The following GLIS3 variants were observed in gnomAD, a reference collection of about 807,000 sequenced individuals.
GLIS3 encodes GLIS family zinc finger 3.
GLIS3 carries 53 observed loss-of-function variants against 78.6 expected under a neutral mutation model. The ratio of observed to expected loss-of-function variants is 0.67; its 90% confidence interval spans 0.54 to 0.85. GLIS3 has a LOEUF of 0.85. GLIS3 is among the 40% of genes least tolerant of loss of function. The pLI is 0.00. For synonymous variants in GLIS3, 684 were observed against 509.9 expected, an observed-to-expected ratio of 1.34 and a Z score of -4.60; for missense variants, 1,703 against 1,231.1, an observed-to-expected ratio of 1.38 and a Z score of -5.74.
intron 4 of GLIS3, among the ~76,000 whole-genome samples, chr9:4,113,091 T>C (rs1831355307): frequency 6.6e-6 from 1 of 152,102 alleles, no homozygotes; most frequent in Non-Finnish European, 1.5e-5. Flanking sequence ...ATTGTATTAA[T>C]ACTATATATA....
chr9:4,107,274 T>C (rs1374859571), intron 4 of GLIS3, among the ~76,000 whole-genome samples: 3 of 152,160 alleles, frequency 2.0e-5, no homozygotes, highest in African/African-American at 7.2e-5. Context: ...TCACCAATAC[T>C]CGGTGTTTAA....
chr9:4,183,394 T>C (rs1044350620), intron 2 of GLIS3, among the ~76,000 whole-genome samples: 12 of 152,286 alleles, frequency 7.9e-5, no homozygotes, highest in South Asian at 2.1e-4. Context: ...ACTCATATAA[T>C]AGATATTCTG....
chr9:4,367,208 C>G, the GLIS3 span, among the ~76,000 whole-genome samples: 1 of 152,254 alleles, frequency 6.6e-6, no homozygotes, highest in African/African-American at 2.4e-5. Flanking sequence ...GGCATATACC[C>G]TGCCCACTCT....
chr9:4,358,391 C>A, the GLIS3 span, among the ~76,000 whole-genome samples: 1 of 152,108 alleles, frequency 6.6e-6, no homozygotes. Context: ...CAAGCAATGT[C>A]CCAAGTACCT....
intron 2 of GLIS3, among the ~76,000 whole-genome samples, chr9:4,338,147 G>A (rs373555721): frequency 5.9e-5 from 9 of 151,488 alleles, no homozygotes; most frequent in Non-Finnish European, 1.3e-4. Context: ...TAATCCTATC[G>A]CTTCTCCTGA....
At chr9:4,120,305 A>G (rs1832077544) in intron 3 of GLIS3, among the ~76,000 whole-genome samples, 1 of 152,246 alleles carries the variant, frequency 6.6e-6, no homozygotes, top group African/African-American at 2.4e-5. Context: ...TGATAACACC[A>G]TCATCAACGA....
At chr9:4,416,958 C>T in the GLIS3 span, among the ~76,000 whole-genome samples, 1 of 151,768 alleles carries the variant, frequency 6.6e-6, no homozygotes, top group African/African-American at 2.4e-5. Context: ...TCTTCTATAA[C>T]CCCATTTACG....
At chr9:3,965,339 G>A (rs1223530962) in intron 4 of GLIS3, among the ~76,000 whole-genome samples, 34 of 151,654 alleles carry the variant, frequency 2.2e-4, no homozygotes, top group African/African-American at 7.7e-4. Context: ...GACTACAGGC[G>A]CGAGCCACCA....
intron 4 of GLIS3, among the ~76,000 whole-genome samples, chr9:4,034,140 G>A (rs1824114861): frequency 1.3e-5 from 2 of 151,960 alleles, no homozygotes; most frequent in African/African-American, 2.4e-5. Context: ...AATGTAAGAG[G>A]ATTGCTTGAG....
chr9:4,365,731 C>G, the GLIS3 span, among the ~76,000 whole-genome samples: 1 of 152,216 alleles, frequency 6.6e-6, no homozygotes, highest in South Asian at 2.1e-4. Flanking sequence ...TCTGCTCCAA[C>G]TCACCCTACT....
At chr9:4,302,245 T>C (rs1480973195), upstream of GLIS3, among the ~76,000 whole-genome samples, 4 of 152,186 alleles carry the variant, frequency 2.6e-5, no homozygotes, top group African/African-American at 7.2e-5. Flanking sequence ...TTAGGAATCA[T>C]ACTCTGGCAG....
the GLIS3 span, among the ~76,000 whole-genome samples, chr9:4,387,532 T>C: frequency 7.9e-5 from 12 of 152,188 alleles, no homozygotes; most frequent in Non-Finnish European, 8.8e-5. Context: ...TTTAAAATTT[T>C]TGAGAGAATA....
At chr9:4,013,581 A>T (rs1048448164) in intron 4 of GLIS3, among the ~76,000 whole-genome samples, 10 of 152,196 alleles carry the variant, frequency 6.6e-5, no homozygotes, top group African/African-American at 2.2e-4. Flanking sequence ...GGACTTCACT[A>T]AGTGTTCATT....
chr9:4,001,702 G>A (rs550264494), intron 4 of GLIS3, among the ~76,000 whole-genome samples: 100 of 152,240 alleles, frequency 6.6e-4, no homozygotes, highest in Middle Eastern at 3.4e-3. Flanking sequence ...CATCATATCT[G>A]CCATTTATGA....
At position 3,879,556 on chromosome 9, in the gene GLIS3, G is replaced by C. The variant is rs1821584807; in HGVS notation, c.2168C>G (p.Thr723Arg). ...TGGGGGTGGTACGGCCCCAGCAGCT[G>C]TTCCACTTCGGCTTGAATAATTGCT... ...FSSNYSSRSG[T>R]AAGAVPPPHP... is the part of the protein sequence containing the mutation. Residue 723 changes from threonine to arginine, a missense_variant, in exon 8 of 11, where the codon ACA (threonine) becomes AGA (arginine). By Grantham distance (71) the Thr-to-Arg change is moderately conservative. Transcript: ENST00000381971. 1.2e-6 allele frequency: 2 copies of C among 1,614,116 alleles called. No homozygotes were observed. Among genetic ancestry groups the C allele is most frequent in the Non-Finnish European group, 1.7e-6 (2 of 1,180,006 alleles).
upstream of GLIS3, among the ~76,000 whole-genome samples, chr9:4,352,750 A>G (rs1465024514): frequency 6.6e-6 from 1 of 152,256 alleles, no homozygotes; most frequent in Non-Finnish European, 1.5e-5. Flanking sequence ...GGCTCTTGGC[A>G]ACAATACTTG....
intron 2 of GLIS3, among the ~76,000 whole-genome samples, chr9:4,254,534 T>A (rs1433229569): frequency 6.6e-6 from 1 of 152,128 alleles, no homozygotes; most frequent in East Asian, 1.9e-4. Context: ...GCTAAAACAT[T>A]TTGGGAACAA....
chr9:3,908,840 A>G (rs1823929785), intron 6 of GLIS3, among the ~76,000 whole-genome samples: 1 of 149,260 alleles, frequency 6.7e-6, no homozygotes, highest in Non-Finnish European at 1.5e-5. Flanking sequence ...AGATTAAGTG[A>G]GTCAAGTGGA....
the GLIS3 span, among the ~76,000 whole-genome samples, chr9:4,370,635 T>A: frequency 1.1e-4 from 17 of 152,170 alleles, no homozygotes; most frequent in Non-Finnish European, 1.9e-4. Context: ...GATTTCTAAA[T>A]ATTAAACATG....
Sources: gnomAD v4.1 joint callset for allele counts (sites outside exome capture counted in the v4.1 genomes callset) on GRCh38, gnomAD v4.1.1 for gene constraint, MANE v1.5 for transcripts, NCBI Gene and HGNC (gene_info 2026-07-23, HGNC 2026-07-21) for gene names.